Variants in MEGF6 observed in about 807,000 individuals in gnomAD.
MEGF6 encodes the protein multiple EGF like domains 6.
Under a neutral mutation model 207.1 loss-of-function variants are expected in MEGF6, and 184 were observed. That is an observed-to-expected ratio of 0.89 (90% CI 0.79 to 1.00). The LOEUF (loss-of-function observed/expected upper bound fraction) is 1.00. Ranked by LOEUF, MEGF6 falls within the 50% of genes least tolerant of loss-of-function variation. The pLI, the probability that MEGF6 is intolerant of heterozygous loss-of-function variation, is 0.00. For missense variants in MEGF6, 2,282 were observed against 2,202.9 expected, an observed-to-expected ratio of 1.04 and a Z score of -0.72; for synonymous variants, 1,038 against 910.0, an observed-to-expected ratio of 1.14 and a Z score of -2.53.
intron 4 of MEGF6, among the ~76,000 whole-genome samples, chr1:3,561,877 C>T (rs543312451): frequency 2.0e-5 from 3 of 152,342 alleles, no homozygotes; most frequent in East Asian, 1.9e-4. Context: ...GGGGGCTTTT[C>T]GTTCCCATTT....
At chr1:3,516,801 G>A (rs563427371) in intron 5 of MEGF6, among the ~76,000 whole-genome samples, 12 of 152,324 alleles carry the variant, frequency 7.9e-5, no homozygotes, top group East Asian at 1.9e-4. Context: ...GGGAGCAGGC[G>A]CTGAGGGTCC....
chr1:3,562,042 C>T (rs529959978), intron 4 of MEGF6, among the ~76,000 whole-genome samples: 5 of 152,322 alleles, frequency 3.3e-5, no homozygotes, highest in South Asian at 2.1e-4. Flanking sequence ...TCATGCTTAG[C>T]GGCTGCCCCA....
At chr1:3,598,574 C>T (rs1022581758) in intron 2 of MEGF6, among the ~76,000 whole-genome samples, 2 of 152,164 alleles carry the variant, frequency 1.3e-5, no homozygotes, top group African/African-American at 4.8e-5. Flanking sequence ...CCCCCTCCAT[C>T]CCCCCAAAAG....
upstream of MEGF6, among the ~76,000 whole-genome samples, chr1:3,613,664 T>C (rs1043432016): frequency 5.3e-5 from 8 of 151,678 alleles, no homozygotes; most frequent in Admixed American, 5.3e-4. Flanking sequence ...CAGGGGAGGG[T>C]TCAGGTTTCA....
the MEGF6 span, among the ~76,000 whole-genome samples, chr1:3,617,360 C>CTCCT: frequency 2.9e-5 from 2 of 68,838 alleles, no homozygotes; most frequent in East Asian, 7.1e-4. Flanking sequence ...CCCTGCCACC[C>CTCCT]GTGAATGTGA....
chr1:3,605,900 A>T (rs984375156), intron 1 of MEGF6, among the ~76,000 whole-genome samples: 1 of 152,184 alleles, frequency 6.6e-6, no homozygotes, highest in South Asian at 2.1e-4. Context: ...CCCCCACCCA[A>T]GGGATGGCCT....
At chr1:3,499,545 C>T in intron 23 of MEGF6, 43 bp downstream of exon 23, 1 of 1,549,964 alleles carries the variant, frequency 6.5e-7, no homozygotes, top group South Asian at 1.2e-5. Flanking sequence ...GGACCTGGCA[C>T]CCCCTCCTGC....
At chr1:3,618,744 C>A in the MEGF6 span, among the ~76,000 whole-genome samples, 4 of 152,194 alleles carry the variant, frequency 2.6e-5, no homozygotes, top group African/African-American at 9.7e-5. This position sits in a 1 kb window ranked among gnomAD's most constrained non-coding sequence, Gnocchi z 4.7. Flanking sequence ...TCGTACACAG[C>A]CCTGGGACCC....
At chr1:3,490,762 C>A in intron 36 of MEGF6, 150 bp downstream of exon 36, 1 of 1,250,660 alleles carries the variant, frequency 8.0e-7, no homozygotes, top group Non-Finnish European at 1.1e-6. Context: ...CTGGCCCCAG[C>A]CTTGGTCTCT....
intron 17 of MEGF6, among the ~76,000 whole-genome samples, chr1:3,503,100 G>A (rs369803159): frequency 6.6e-5 from 10 of 152,246 alleles, no homozygotes; most frequent in East Asian, 5.8e-4. Context: ...GAGGAGCACC[G>A]GTAATACAGG....
intron 4 of MEGF6, among the ~76,000 whole-genome samples, chr1:3,578,560 A>T (rs1271750253): frequency 6.7e-6 from 1 of 149,842 alleles, no homozygotes; most frequent in Non-Finnish European, 1.5e-5. Context: ...CCTTTCGTCC[A>T]CACGAGACAG....
At chr1:3,580,312 C>T (rs1643763060) in intron 3 of MEGF6, among the ~76,000 whole-genome samples, 1 of 151,996 alleles carries the variant, frequency 6.6e-6, no homozygotes, top group African/African-American at 2.4e-5. Context: ...CGCTGCACAG[C>T]TGCAAGGGCC....
At chr1:3,599,960 G>A (rs1456726426) in intron 2 of MEGF6, among the ~76,000 whole-genome samples, 2 of 152,190 alleles carry the variant, frequency 1.3e-5, no homozygotes, top group African/African-American at 4.8e-5. Flanking sequence ...AGAAAAAGGA[G>A]GCTGACGTCG....
Position 3,497,302 on chromosome 1 carries a change from C to A in MEGF6, c.3412G>T (p.Ala1138Ser). The A allele has an allele frequency of 6.4e-7, 1 of 1,550,720 alleles. No individual in the cohort carries two copies. The highest frequency in any genetic ancestry group is 8.7e-7 in the Non-Finnish European group (1 of 1,152,342). ...GCCCCAGTGACGTGGTGGCAGGCAG[C>A]GCCAGGCGGGCAGCTGCAGCGCTGG... ...CAQRCSCPPG[A>S]ACHHVTGACR... Residue 1138 changes from alanine to serine, a missense_variant, in exon 27 of 37, where the codon GCT (alanine) becomes TCT (serine). Coordinates refer to ENST00000356575, the MANE Select transcript of MEGF6 (RefSeq NM_001409.4).
At chr1:3,552,302 G>C (rs1642911944) in intron 4 of MEGF6, among the ~76,000 whole-genome samples, 1 of 152,246 alleles carries the variant, frequency 6.6e-6, no homozygotes. Context: ...GGCGAGGGCA[G>C]GTGTCCAGGC....
At chr1:3,500,931 T>C in intron 20 of MEGF6, 35 bp downstream of exon 20, 2 of 1,610,528 alleles carry the variant, frequency 1.2e-6, no homozygotes, top group South Asian at 1.1e-5. Context: ...AAAGGAGGGA[T>C]GTCTGGACAA....
At chr1:3,531,444 T>C in intron 4 of MEGF6, 1 of 1,104,646 alleles carries the variant, frequency 9.1e-7, no homozygotes, top group African/African-American at 1.7e-5. Flanking sequence ...CGCCTTTAAG[T>C]TCTCAGCTTT....
intron 4 of MEGF6, among the ~76,000 whole-genome samples, chr1:3,544,343 G>A (rs1365692504): frequency 6.6e-6 from 1 of 151,224 alleles, no homozygotes; most frequent in African/African-American, 2.5e-5. Flanking sequence ...TGGGGCTGCA[G>A]GGCGGCACCT....
At chr1:3,496,932 G>GC in intron 28 of MEGF6, 56 bp downstream of exon 28, 1 of 1,533,904 alleles carries the variant, frequency 6.5e-7, no homozygotes, top group East Asian at 2.5e-5. Flanking sequence ...GGGAACTGGG[G>GC]CCCAGCACGC....
Sources: allele counts gnomAD v4.1 joint callset (sites outside exome capture counted in the v4.1 genomes callset), GRCh38; gene constraint gnomAD v4.1.1; non-coding constraint Gnocchi (gnomAD v3.1); transcripts MANE v1.5; gene names NCBI Gene and HGNC (gene_info 2026-07-23, HGNC 2026-07-21).